The following FHOD3 variants were observed in gnomAD, a reference collection of about 807,000 sequenced individuals.
The protein encoded by FHOD3 is FH1/FH2 domain-containing protein 3.
In FHOD3, 90 loss-of-function variants were observed where a neutral mutation model predicts 173.0. That is an observed-to-expected ratio of 0.52 (90% CI 0.44 to 0.62). The LOEUF (loss-of-function observed/expected upper bound fraction) is 0.62. FHOD3 is among the 20% of genes least tolerant of loss of function. FHOD3 has a pLI of 0.00. For synonymous variants in FHOD3, 828 were observed against 823.0 expected (o/e 1.01, Z -0.10); for missense variants, 1,945 against 2,034.7 (o/e 0.96, Z 0.85).
intron 19 of FHOD3, among the ~76,000 whole-genome samples, chr18:36,729,221 C>T (rs1008120598): frequency 2.0e-5 from 3 of 152,190 alleles, no homozygotes; most frequent in Admixed American, 2.0e-4. Flanking sequence ...TTACTCTAGA[C>T]TTGTTACATG....
At chr18:36,695,270 C>T (rs2039213381) in intron 17 of FHOD3, among the ~76,000 whole-genome samples, 1 of 151,538 alleles carries the variant, frequency 6.6e-6, no homozygotes, top group Non-Finnish European at 1.5e-5. Context: ...GAGAATCGAA[C>T]CCAGGAGGCG....
chr18:36,726,197 GAT>G (rs1166403878), intron 19 of FHOD3, among the ~76,000 whole-genome samples: 1 of 151,298 alleles, frequency 6.6e-6, no homozygotes, highest in Non-Finnish European at 1.5e-5. Context: ...TTAGATAAGA[GAT>G]AACTACAGCA....
chr18:36,481,583 G>A (rs557383262), intron 3 of FHOD3, among the ~76,000 whole-genome samples: 1 of 151,896 alleles, frequency 6.6e-6, no homozygotes, highest in East Asian at 1.9e-4. Flanking sequence ...TTTGGGTTCC[G>A]TTGGTACCAT....
chr18:36,618,366 T>A (rs1019590853), intron 9 of FHOD3, among the ~76,000 whole-genome samples: 5 of 132,894 alleles, frequency 3.8e-5, no homozygotes, highest in African/African-American at 1.4e-4. Flanking sequence ...CAGGCTGGAG[T>A]GCAAGGTGCG....
At chr18:36,323,823 A>C (rs1050349061) in intron 1 of FHOD3, among the ~76,000 whole-genome samples, 2 of 152,256 alleles carry the variant, frequency 1.3e-5, no homozygotes, top group Non-Finnish European at 2.9e-5. Context: ...GCTTTATGCT[A>C]TAAAGTACTA....
At chr18:36,555,546 G>GTT (rs747599862) in intron 5 of FHOD3, among the ~76,000 whole-genome samples, 14 of 152,116 alleles carry the variant, frequency 9.2e-5, no homozygotes, top group Non-Finnish European at 1.3e-4. Context: ...ATTAGGTGAA[G>GTT]TTGATGGATA....
Position 36,779,703 on chromosome 18 carries a change from G to C in FHOD3, c.*173G>C. 1.6e-6 allele frequency: 1 copy of C among 621,086 alleles called. No individual in the cohort carries two copies. The highest frequency in any genetic ancestry group is 1.9e-5 in the South Asian group (1 of 51,488). The allele number at this position is 621,086 out of a possible 1,614,324, so 38.5% of individuals were successfully genotyped here. On this transcript the variant is annotated 3_prime_UTR_variant, in exon 29 of 29. Transcript: ENST00000590592. ...GTGTTGCCTGCTACGCATTGACTTG[G>C]ATCTCCAGGAGTCCCCTGCACATAC...
chr18:36,437,954 G>A (rs1014364402), intron 3 of FHOD3, among the ~76,000 whole-genome samples: 4 of 151,974 alleles, frequency 2.6e-5, no homozygotes, highest in Admixed American at 1.3e-4. Flanking sequence ...GAGCCACCGC[G>A]CCTGGCCGAG....
At chr18:36,687,717 G>T (rs1195286422) in intron 16 of FHOD3, among the ~76,000 whole-genome samples, 2 of 152,128 alleles carry the variant, frequency 1.3e-5, no homozygotes, top group Admixed American at 6.5e-5. Flanking sequence ...ATGTAGTTGG[G>T]ACTTAGGAAT....
intron 1 of FHOD3, among the ~76,000 whole-genome samples, chr18:36,341,980 A>G (rs531525243): frequency 1.5e-4 from 23 of 152,254 alleles, no homozygotes; most frequent in Non-Finnish European, 2.8e-4. Flanking sequence ...TGTGATAAAT[A>G]CATACTAGAA....
At chr18:36,617,610 T>TGTGCGC (rs1555783666) in intron 9 of FHOD3, among the ~76,000 whole-genome samples, 17 of 146,122 alleles carry the variant, frequency 1.2e-4, no homozygotes, top group South Asian at 2.3e-4. Flanking sequence ...TGTGTGTGTG[T>TGTGCGC]GTGTGTGTGC....
At chr18:36,733,122 G>C (rs2041455818) in intron 20 of FHOD3, among the ~76,000 whole-genome samples, 2 of 152,198 alleles carry the variant, frequency 1.3e-5, no homozygotes, top group African/African-American at 4.8e-5. Context: ...TAAACAAGCT[G>C]TTTAGATAAA....
In FHOD3 at chr18:36,531,221, G is replaced by A. The variant is rs1465299614; in HGVS notation, c.511+18678G>A. ...GTGCTTTCTGCATCATGAACAGAAGGAAGACCCATCTGTGAAGGATGCAAG... is the reference window on the plus strand; with the variant it reads ...GTGCTTTCTGCATCATGAACAGAAGAAAGACCCATCTGTGAAGGATGCAAG... On this transcript the variant is annotated intron_variant, in intron 5 of 28. Transcript: ENST00000590592. Among the ~76,000 whole-genome samples, 3 of 152,150 alleles carry A rather than the reference G, an allele frequency of 2.0e-5. No homozygotes were observed. In the South Asian group the frequency reaches 6.2e-4, roughly 32 times the overall value.
chr18:36,394,698 T>C (rs1465806057), intron 3 of FHOD3, among the ~76,000 whole-genome samples: 2 of 152,220 alleles, frequency 1.3e-5, no homozygotes, highest in Non-Finnish European at 2.9e-5. Flanking sequence ...GTTCATCTTA[T>C]GCATCACTTG....
chr18:36,658,250 A>G, intron 14 of FHOD3, 62 bp downstream of exon 14: 1 of 1,168,388 alleles, frequency 8.6e-7, no homozygotes, highest in South Asian at 1.5e-5. Context: ...CAATTTGGTT[A>G]AGTGTGGTTA....
At position 36,748,447 on chromosome 18, in the gene FHOD3, G is replaced by A. The variant is rs1352440747; in HGVS notation, c.4232+1312G>A. The stretch of plus-strand genomic sequence containing the variant: ...GAGAGAACCAACTATTATTTGGAAC[G>A]TCATGAAACTGGAGTAATTTTATGA... On this transcript the variant is annotated intron_variant, in intron 24 of 28. Transcript: ENST00000590592. Among the ~76,000 whole-genome samples the A allele has an allele frequency of 2.6e-5, 4 of 151,440 alleles. No homozygotes were observed. The East Asian group carries it at 5.8e-4, about 22-fold the overall frequency.
chr18:36,675,030 A>T (rs1440501659), intron 14 of FHOD3, among the ~76,000 whole-genome samples: 2 of 152,058 alleles, frequency 1.3e-5, no homozygotes, highest in Non-Finnish European at 2.9e-5. Flanking sequence ...CTGGAATCTT[A>T]GGGCCCTTTG....
At chr18:36,737,857 A>G (rs1274146592) in intron 20 of FHOD3, among the ~76,000 whole-genome samples, 2 of 152,186 alleles carry the variant, frequency 1.3e-5, no homozygotes, top group Non-Finnish European at 1.5e-5. Context: ...TTTTGAACTA[A>G]TATAGAGTGC....
chr18:36,588,862 A>G (rs2059123591), intron 6 of FHOD3, among the ~76,000 whole-genome samples: 1 of 152,238 alleles, frequency 6.6e-6, no homozygotes, highest in Non-Finnish European at 1.5e-5. Context: ...GACCTAGAAA[A>G]TAAAACAACA....
Sources: allele counts gnomAD v4.1 joint callset (sites outside exome capture counted in the v4.1 genomes callset), GRCh38; gene constraint gnomAD v4.1.1; transcripts MANE v1.5; gene names NCBI Gene and HGNC (gene_info 2026-07-23, HGNC 2026-07-21).